The following CHCHD3 variants were observed in gnomAD, a reference collection of about 807,000 sequenced individuals.
CHCHD3 encodes the protein coiled-coil-helix-coiled-coil-helix domain containing 3, also known as MICOS complex subunit MIC19.
In CHCHD3, 20 loss-of-function variants were observed where a neutral mutation model predicts 38.2. That is an observed-to-expected ratio of 0.52 (90% CI 0.37 to 0.76). CHCHD3 has a LOEUF of 0.76. Among genes scored for constraint, CHCHD3 ranks in the 30% least tolerant of loss-of-function variants. CHCHD3 has a pLI of 0.00. For missense variants in CHCHD3, 245 were observed against 279.2 expected, an observed-to-expected ratio of 0.88 and a Z score of 0.87; for synonymous variants, 82 against 100.0, an observed-to-expected ratio of 0.82 and a Z score of 1.07.
At chr7:132,888,075 C>T (rs1363445293) in intron 4 of CHCHD3, among the ~76,000 whole-genome samples, 2 of 150,770 alleles carry the variant, frequency 1.3e-5, no homozygotes, top group Admixed American at 6.6e-5. Context: ...AAGTATACCA[C>T]TTAAAAAAGA....
chr7:132,855,874 AAAAG>A (rs1808332711), intron 5 of CHCHD3, among the ~76,000 whole-genome samples: 2 of 151,850 alleles, frequency 1.3e-5, no homozygotes, highest in Non-Finnish European at 2.9e-5. Flanking sequence ...TTAAAAAAAA[AAAAG>A]AAAGAAAAAA....
At chr7:132,974,873 CAA>C (rs574418462) in intron 4 of CHCHD3, among the ~76,000 whole-genome samples, 1 of 126,726 alleles carries the variant, frequency 7.9e-6, no homozygotes, top group Non-Finnish European at 1.7e-5. Context: ...GACTCCGTCT[CAA>C]AAAAAAAAAG....
At chr7:132,964,650 G>A (rs1811411789) in intron 4 of CHCHD3, among the ~76,000 whole-genome samples, 1 of 152,156 alleles carries the variant, frequency 6.6e-6, no homozygotes. Flanking sequence ...ATGGATAATT[G>A]CTACAAACCA....
At chr7:132,872,157 G>A (rs1808781819) in intron 5 of CHCHD3, among the ~76,000 whole-genome samples, 1 of 152,144 alleles carries the variant, frequency 6.6e-6, no homozygotes, top group East Asian at 1.9e-4. Context: ...GCAGAGCCTG[G>A]GGAAGTTGAA....
At chr7:132,972,674 T>C in intron 4 of CHCHD3, 1 of 985,364 alleles carries the variant, frequency 1.0e-6, no homozygotes, top group Non-Finnish European at 1.2e-6. Context: ...CTGACAACAC[T>C]CTGGGAAGGA....
intron 4 of CHCHD3, among the ~76,000 whole-genome samples, chr7:132,913,948 CTTTT>C (rs71178066): frequency 0.017 from 1,692 of 102,334 alleles, 38 homozygotes; most frequent in African/African-American, 0.059. Flanking sequence ...TTTTCTTTTT[CTTTT>C]TTTTTTTTTT....
chr7:132,853,635 T>C (rs1044482155), intron 5 of CHCHD3, among the ~76,000 whole-genome samples: 1 of 151,892 alleles, frequency 6.6e-6, no homozygotes, highest in South Asian at 2.1e-4. Context: ...AAAATAAAAA[T>C]AAAAAGAACT....
intron 7 of CHCHD3, among the ~76,000 whole-genome samples, chr7:132,793,535 C>T (rs546762768): frequency 6.6e-6 from 1 of 152,254 alleles, no homozygotes; most frequent in African/African-American, 2.4e-5. Context: ...TGTTGAAGAA[C>T]AGCTGAAGAA....
intron 4 of CHCHD3, among the ~76,000 whole-genome samples, chr7:132,918,557 C>T (rs1473412767): frequency 6.6e-6 from 1 of 152,158 alleles, no homozygotes; most frequent in African/African-American, 2.4e-5. Context: ...AGTATCAGCC[C>T]TTTTCCTCCA....
chr7:132,803,835 A>T (rs1161242929), intron 6 of CHCHD3, among the ~76,000 whole-genome samples: 1 of 140,398 alleles, frequency 7.1e-6, no homozygotes, highest in African/African-American at 2.5e-5. Context: ...CACCTGCACG[A>T]ATCTGGCAGG....
chr7:132,916,255 G>GA (rs993821315), intron 4 of CHCHD3, among the ~76,000 whole-genome samples: 1 of 152,146 alleles, frequency 6.6e-6, no homozygotes, highest in African/African-American at 2.4e-5. Context: ...GGTCTACCAT[G>GA]AAAGTGCTCT....
chr7:132,852,723 C>T (rs1199583280), intron 5 of CHCHD3, among the ~76,000 whole-genome samples: 1 of 152,058 alleles, frequency 6.6e-6, no homozygotes, highest in Non-Finnish European at 1.5e-5. Flanking sequence ...GTACAGACTA[C>T]AGAAGGAGTC....
At chr7:132,873,130 GA>G (rs919322463) in intron 5 of CHCHD3, among the ~76,000 whole-genome samples, 5 of 151,936 alleles carry the variant, frequency 3.3e-5, no homozygotes, top group Non-Finnish European at 5.9e-5. Context: ...GGGGGAGGAT[GA>G]AAAGGGGAGT....
chr7:133,006,322 C>T (rs758085477), intron 3 of CHCHD3, among the ~76,000 whole-genome samples: 19 of 152,056 alleles, frequency 1.2e-4, no homozygotes, highest in Non-Finnish European at 1.9e-4. Context: ...AAAAATTAGC[C>T]AGGCATGGTG....
chr7:133,081,308 C>A (rs1057083173), intron 1 of CHCHD3, among the ~76,000 whole-genome samples: 2 of 152,032 alleles, frequency 1.3e-5, no homozygotes, highest in Non-Finnish European at 2.9e-5. Flanking sequence ...CAGGGAGAAG[C>A]CAGAAGCCGC....
At chr7:132,903,432 C>G (rs1250962413) in intron 4 of CHCHD3, among the ~76,000 whole-genome samples, 1 of 152,148 alleles carries the variant, frequency 6.6e-6, no homozygotes, top group East Asian at 1.9e-4. Flanking sequence ...TTCTACACAA[C>G]CTTTTTATTT....
chr7:132,807,291 C>A (rs1432950372), intron 6 of CHCHD3, among the ~76,000 whole-genome samples: 2 of 152,184 alleles, frequency 1.3e-5, no homozygotes, highest in African/African-American at 4.8e-5. Context: ...CAGGTCCTCT[C>A]TGCCCCCCAG....
intron 5 of CHCHD3, among the ~76,000 whole-genome samples, chr7:132,864,780 AT>A (rs1348213585): frequency 2.0e-5 from 3 of 152,240 alleles, no homozygotes; most frequent in African/African-American, 7.2e-5. Context: ...TTTTAAAAAA[AT>A]AAATGGCAAT....
At chr7:132,978,621 T>C (rs10269475) in intron 3 of CHCHD3, among the ~76,000 whole-genome samples, 67,706 of 152,004 alleles carry the variant, frequency 0.45, 15,346 homozygotes, top group East Asian at 0.55. Context: ...AAGGCGATGG[T>C]ATATAAGAAA....
Sources: gnomAD v4.1 joint callset for allele counts (sites outside exome capture counted in the v4.1 genomes callset) on GRCh38, gnomAD v4.1.1 for gene constraint, MANE v1.5 for transcripts, NCBI Gene and HGNC (gene_info 2026-07-23, HGNC 2026-07-21) for gene names.